NRG1: variants seen among roughly 807,000 people sequenced by gnomAD.
NRG1 encodes the protein neuregulin 1.
A neutral mutation model predicts 63.8 loss-of-function variants in NRG1; 18 were observed. The ratio of observed to expected loss-of-function variants is 0.28; its 90% CI spans 0.19 to 0.42. The LOEUF (loss-of-function observed/expected upper bound fraction) is 0.42. NRG1 is among the 10% of genes least tolerant of loss of function. NRG1 has a pLI of 1.00. For missense variants in NRG1, 762 were observed against 814.7 expected, an observed-to-expected ratio of 0.94 and a Z score of 0.79; for synonymous variants, 302 against 301.3, an observed-to-expected ratio of 1.00 and a Z score of -0.02.
intron 1 of NRG1, among the ~76,000 whole-genome samples, chr8:32,036,888 G>A (rs191214714): frequency 6.6e-6 from 1 of 152,076 alleles, no homozygotes; most frequent in Non-Finnish European, 1.5e-5. Context: ...TACTTCTTTA[G>A]CTCAGTGAAG....
intron 1 of NRG1, among the ~76,000 whole-genome samples, chr8:31,974,812 T>G (rs1807889975): frequency 6.6e-6 from 1 of 152,194 alleles, no homozygotes; most frequent in African/African-American, 2.4e-5. Flanking sequence ...TGATTGGATC[T>G]TTTGTACACA....
At chr8:32,064,555 T>C (rs1824428839) in intron 1 of NRG1, among the ~76,000 whole-genome samples, 1 of 152,098 alleles carries the variant, frequency 6.6e-6, no homozygotes, top group Admixed American at 6.6e-5. Context: ...ACCTCATAGA[T>C]TTTCAAAAAC....
At chr8:32,272,067 T>A (rs1851607796) in intron 1 of NRG1, among the ~76,000 whole-genome samples, 1 of 152,210 alleles carries the variant, frequency 6.6e-6, no homozygotes, top group Non-Finnish European at 1.5e-5. Flanking sequence ...GTTTCTAATA[T>A]TAAATTTCTT....
chr8:32,567,678 C>T (rs1435571525), intron 1 of NRG1, among the ~76,000 whole-genome samples: 1 of 152,162 alleles, frequency 6.6e-6, no homozygotes, highest in African/African-American at 2.4e-5. Flanking sequence ...GTTTTATTGC[C>T]CTGGCACTCT....
chr8:32,652,743 C>A (rs1203828090), intron 5 of NRG1, among the ~76,000 whole-genome samples: 1 of 149,390 alleles, frequency 6.7e-6, no homozygotes, highest in East Asian at 2.0e-4. Context: ...TCTTCTTGAT[C>A]TTTTCCTCTT....
Position 32,262,792 on chromosome 8 carries a change from T to C in NRG1, c.38-333036T>C, listed in dbSNP as rs141886213. Among the ~76,000 whole-genome samples, 977 of 152,272 alleles carry C rather than the reference T, an allele frequency of 6.4e-3. 9 individuals carry two copies. Among genetic ancestry groups the C allele is most frequent in the African/African-American group, 0.022 (933 of 41,548 alleles). On this transcript the variant is annotated intron_variant, in intron 1 of 10. Transcript: ENST00000519301. ...ACATTTTTTGTTTTTCTTTCGAATG[T>C]TGAAAAAGTTAAGAATATATTAATA...
Position 32,444,004 on chromosome 8 carries a change from C to T in NRG1, c.38-151824C>T, listed in dbSNP as rs139437447. On this transcript the variant is annotated intron_variant, in intron 1 of 10. Transcript: ENST00000519301. ...CCCTTCCCTTCTTTCCTTTTTCCTTCCTTCCTTTTTCCTTTCTTTCTTTTC... is the reference window on the plus strand; with the variant it reads ...CCCTTCCCTTCTTTCCTTTTTCCTTTCTTCCTTTTTCCTTTCTTTCTTTTC... Among the ~76,000 whole-genome samples, 1,184 of 151,258 alleles carry T rather than the reference C, an allele frequency of 7.8e-3. 13 individuals are homozygous for T. The highest frequency in any genetic ancestry group is 0.026 in the African/African-American group (1,061 of 41,224).
intron 1 of NRG1, among the ~76,000 whole-genome samples, chr8:31,877,483 ATGTGTG>A (rs34418283): frequency 6.6e-6 from 1 of 150,814 alleles, no homozygotes; most frequent in Non-Finnish European, 1.5e-5. Flanking sequence ...CCATGTATGT[ATGTGTG>A]TGTGTGTGTA....
At chr8:31,868,438 C>T (rs1829184982) in intron 1 of NRG1, among the ~76,000 whole-genome samples, 1 of 152,068 alleles carries the variant, frequency 6.6e-6, no homozygotes, top group Admixed American at 6.6e-5. Flanking sequence ...GCAGGCAAGC[C>T]CACCTCTGAT....
chr8:31,776,648 C>G (rs1387097514), intron 1 of NRG1, among the ~76,000 whole-genome samples: 4 of 152,062 alleles, frequency 2.6e-5, no homozygotes, highest in African/African-American at 9.7e-5. Flanking sequence ...GTTAACTTGT[C>G]ATTTAGCATT....
chr8:32,493,350 T>A (rs1052134673), intron 1 of NRG1, among the ~76,000 whole-genome samples: 2 of 152,124 alleles, frequency 1.3e-5, no homozygotes, highest in Admixed American at 1.3e-4. Flanking sequence ...GCATGCTCCC[T>A]CCCCACGCCC....
In NRG1 at chr8:31,663,248, C is replaced by T. The variant is rs1585494348; in HGVS notation, c.37+23817C>T. ...GCTTTTGTGCCTAAACTTTGTATAC[C>T]CAAGCACTGTTTACCAAAAAAGTTC... On this transcript the variant is annotated intron_variant, in intron 1 of 10. Coordinates refer to the NRG1 transcript ENST00000519301. 2.6e-5 allele frequency among the ~76,000 whole-genome samples: 4 copies of T among 152,068 alleles called. No homozygotes were observed. The South Asian group carries it at 8.3e-4, about 31-fold the overall frequency.
chr8:32,498,100 G>C (rs1827431284), intron 1 of NRG1, among the ~76,000 whole-genome samples: 1 of 152,164 alleles, frequency 6.6e-6, no homozygotes, highest in African/African-American at 2.4e-5. Context: ...TGGGATTACA[G>C]GTGTGAGCCA....
exon 12 of NRG1, chr8:32,764,378 T>C (rs767514685): frequency 6.2e-7 from 1 of 1,603,258 alleles, no homozygotes; most frequent in African/African-American, 1.3e-5. Flanking sequence ...GTGTAATTGC[T>C]AACCAAGACC....
At chr8:32,589,310 C>T (rs1180802429) in intron 1 of NRG1, among the ~76,000 whole-genome samples, 2 of 152,114 alleles carry the variant, frequency 1.3e-5, no homozygotes, top group African/African-American at 2.4e-5. Flanking sequence ...GGAGACTCTC[C>T]ATAGTAATTT....
At chr8:32,372,854 C>G (rs1236815193) in intron 1 of NRG1, among the ~76,000 whole-genome samples, 2 of 152,118 alleles carry the variant, frequency 1.3e-5, no homozygotes, top group Non-Finnish European at 2.9e-5. Context: ...CAGGTGTCTG[C>G]AGGGGCTATA....
rs114170081 is a variant in NRG1, at chr8:31,726,576, G to A, written c.37+87145G>A. 3.1e-3 allele frequency among the ~76,000 whole-genome samples: 472 copies of A among 152,240 alleles called. 7 individuals are homozygous for A. The highest frequency in any genetic ancestry group is 9.8e-3 in the African/African-American group (405 of 41,538). On this transcript the variant is annotated intron_variant, in intron 1 of 10. Coordinates refer to the NRG1 transcript ENST00000519301. ...GACCTGGGTCAAGTTTTGCAATACAGAATTTGAGGCAGATAATATTATGTA... is the reference window on the plus strand; with the variant it reads ...GACCTGGGTCAAGTTTTGCAATACAAAATTTGAGGCAGATAATATTATGTA...
At chr8:32,142,234 C>T (rs974485436) in intron 1 of NRG1, among the ~76,000 whole-genome samples, 1 of 152,126 alleles carries the variant, frequency 6.6e-6, no homozygotes, top group Non-Finnish European at 1.5e-5. Flanking sequence ...CCAAATGACC[C>T]TTGCCTGAGG....
chr8:32,679,234 G>A (rs1431182857), intron 5 of NRG1, among the ~76,000 whole-genome samples: 1 of 152,102 alleles, frequency 6.6e-6, no homozygotes, highest in African/African-American at 2.4e-5. Context: ...TACATAAAAG[G>A]TAAAGTGTCC....
Sources: allele counts gnomAD v4.1 joint callset (sites outside exome capture counted in the v4.1 genomes callset), GRCh38; gene constraint gnomAD v4.1.1; transcripts MANE v1.5; gene names NCBI Gene and HGNC (gene_info 2026-07-23, HGNC 2026-07-21).